PCDH15: variants seen among roughly 807,000 people sequenced by gnomAD.
The protein encoded by PCDH15 is protocadherin-15.
PCDH15 carries 129 observed loss-of-function variants against 178.5 expected under a neutral mutation model. The observed-to-expected ratio is 0.72, with a 90% CI of 0.63 to 0.84. PCDH15 has a LOEUF of 0.84. PCDH15 is among the 40% of genes least tolerant of loss of function. PCDH15 has a pLI of 0.00. For missense variants in PCDH15, 2,230 were observed against 2,099.9 expected (o/e 1.06, Z -1.21); for synonymous variants, 800 against 732.0 (o/e 1.09, Z -1.50).
chr10:54,996,144 G>A (rs915113510), intron 2 of PCDH15, among the ~76,000 whole-genome samples: 6 of 152,156 alleles, frequency 3.9e-5, no homozygotes, highest in Non-Finnish European at 7.3e-5. Flanking sequence ...AGTGGGCCAG[G>A]AGTTTCAGAA....
intron 2 of PCDH15, among the ~76,000 whole-genome samples, chr10:54,617,122 C>G (rs114294570): frequency 0.031 from 4,643 of 147,926 alleles, 235 homozygotes; most frequent in African/African-American, 0.1. Context: ...TCTCGAACTC[C>G]TGACCTCAGA....
intron 2 of PCDH15, among the ~76,000 whole-genome samples, chr10:55,351,531 T>G (rs1433419445): frequency 6.6e-6 from 1 of 152,136 alleles, no homozygotes; most frequent in Non-Finnish European, 1.5e-5. Context: ...GTAATCCGCT[T>G]TTTCACTCTG....
chr10:54,703,329 T>C (rs115661426), intron 1 of PCDH15, among the ~76,000 whole-genome samples: 3,013 of 152,042 alleles, frequency 0.02, 90 homozygotes, highest in African/African-American at 0.067. Flanking sequence ...AAGAAAAGAA[T>C]GCCCACTCCT....
intron 13 of PCDH15, among the ~76,000 whole-genome samples, chr10:54,162,209 T>G (rs1244926448): frequency 1.3e-5 from 1 of 75,776 alleles, no homozygotes; most frequent in African/African-American, 6.2e-5. Context: ...CTTATGCACC[T>G]CACAAAGTTT....
At chr10:55,283,105 T>C (rs1378414769) in intron 1 of PCDH15, among the ~76,000 whole-genome samples, 2 of 152,174 alleles carry the variant, frequency 1.3e-5, no homozygotes, top group Admixed American at 1.3e-4. Flanking sequence ...GCTGTAAGTT[T>C]CCAAACCTCC....
At chr10:54,592,793 A>G (rs991587288) in intron 2 of PCDH15, among the ~76,000 whole-genome samples, 2 of 152,178 alleles carry the variant, frequency 1.3e-5, no homozygotes, top group Non-Finnish European at 2.9e-5. Context: ...GGCCACACCA[A>G]TTTACATTCC....
At chr10:55,001,098 A>T (rs1210616111) in intron 2 of PCDH15, among the ~76,000 whole-genome samples, 1 of 151,942 alleles carries the variant, frequency 6.6e-6, no homozygotes, top group Non-Finnish European at 1.5e-5. Context: ...AGACATTCAC[A>T]GGGACAACTT....
intron 2 of PCDH15, among the ~76,000 whole-genome samples, chr10:55,559,782 C>T (rs987569492): frequency 6.6e-6 from 1 of 151,854 alleles, no homozygotes; most frequent in Non-Finnish European, 1.5e-5. Flanking sequence ...TGTGCATCTC[C>T]TCTCAACACA....
intron 3 of PCDH15, among the ~76,000 whole-genome samples, chr10:54,856,922 A>G (rs1456529148): frequency 2.0e-5 from 3 of 152,138 alleles, no homozygotes; most frequent in African/African-American, 4.8e-5. Context: ...ACAGCTTTCA[A>G]TTACATATTC....
chr10:53,900,209 TTC>T (rs5785026), intron 26 of PCDH15, among the ~76,000 whole-genome samples: 2,466 of 144,562 alleles, frequency 0.017, 59 homozygotes, highest in African/African-American at 0.058. Flanking sequence ...TCTCTAAACT[TTC>T]TCTCTCTCTC....
In PCDH15 at chr10:55,391,118, T is replaced by G. The variant is rs141655870; in HGVS notation, c.-155-224467A>C. 1.6e-4 allele frequency among the ~76,000 whole-genome samples: 25 copies of G among 152,340 alleles called. No individual in the cohort carries two copies. The East Asian group carries it at 4.8e-3, about 29-fold the overall frequency. On this transcript the variant is annotated intron_variant, in intron 2 of 5. Transcript: ENST00000613346. ...TCCTCCAATACAAGACCGTTTTGTC[T>G]ACACCGAAGATCTGTTTAGTGTAGC... is the stretch of plus-strand genomic sequence containing the variant.
intron 1 of PCDH15, among the ~76,000 whole-genome samples, chr10:54,729,839 A>C (rs1943092302): frequency 6.6e-6 from 1 of 151,700 alleles, no homozygotes; most frequent in African/African-American, 2.4e-5. Context: ...GCATATCAAA[A>C]CCACAATGAG....
At chr10:55,407,893 A>G (rs1456595274) in intron 2 of PCDH15, among the ~76,000 whole-genome samples, 1 of 152,204 alleles carries the variant, frequency 6.6e-6, no homozygotes, top group Non-Finnish European at 1.5e-5. Context: ...ACCAAAGGCT[A>G]TCATCTCTAA....
rs190042635 is a variant in PCDH15 at position 55,622,506 on chromosome 10, A to G, written c.-156+5119T>C. Among the ~76,000 whole-genome samples the G allele has an allele frequency of 2.1e-3, 320 of 152,092 alleles. 1 individual carries two copies. The highest frequency in any genetic ancestry group is 7.2e-3 in the African/African-American group (297 of 41,450). Reference sequence around the variant, plus strand: ...TTGTTCATCTTCAAAACATAGGCCAATATTTCTATTTTACCCAACTTTACT... The same window carrying G: ...TTGTTCATCTTCAAAACATAGGCCAGTATTTCTATTTTACCCAACTTTACT... On this transcript the variant is annotated intron_variant, in intron 2 of 5. Coordinates refer to the PCDH15 transcript ENST00000613346.
intron 18 of PCDH15, among the ~76,000 whole-genome samples, chr10:54,027,634 CTG>C (rs2093148952): frequency 6.7e-6 from 1 of 148,498 alleles, no homozygotes; most frequent in Non-Finnish European, 1.5e-5. Flanking sequence ...AGAAATAATG[CTG>C]CATATCTACA....
chr10:54,243,277 A>G (rs1308832517), intron 8 of PCDH15, among the ~76,000 whole-genome samples: 1 of 152,200 alleles, frequency 6.6e-6, no homozygotes, highest in Non-Finnish European at 1.5e-5. Context: ...TGGGAGGCCA[A>G]GGCGGGCAGA....
chr10:55,612,478 AT>A (rs1310945513), intron 2 of PCDH15, among the ~76,000 whole-genome samples: 2 of 152,062 alleles, frequency 1.3e-5, no homozygotes, highest in Non-Finnish European at 2.9e-5. Context: ...ATATACTCAT[AT>A]TTTTAGTCAG....
At chr10:55,478,786 C>T (rs567624485) in intron 2 of PCDH15, among the ~76,000 whole-genome samples, 210 of 150,132 alleles carry the variant, frequency 1.4e-3, no homozygotes, top group Non-Finnish European at 2.5e-3. Flanking sequence ...TAAATTCAGG[C>T]GCGAAAAAGG....
chr10:53,925,079 A>C (rs1219666736), intron 25 of PCDH15, among the ~76,000 whole-genome samples: 1 of 152,122 alleles, frequency 6.6e-6, no homozygotes, highest in Admixed American at 6.5e-5. Flanking sequence ...ATAAAAGCAG[A>C]CTGCCCCAGC....
Sources: gnomAD v4.1 joint callset for allele counts (sites outside exome capture counted in the v4.1 genomes callset) on GRCh38, gnomAD v4.1.1 for gene constraint, MANE v1.5 for transcripts, NCBI Gene and HGNC (gene_info 2026-07-23, HGNC 2026-07-21) for gene names.